The following APBA2 variants were observed in gnomAD, a reference collection of about 807,000 sequenced individuals.
APBA2 encodes the protein amyloid beta precursor protein binding family A member 2.
APBA2 carries 30 observed loss-of-function variants against 75.0 expected under a neutral mutation model. That is an observed-to-expected ratio of 0.40 (90% CI 0.30 to 0.54). The LOEUF is 0.54. APBA2 is among the 20% of genes least tolerant of loss of function. APBA2 has a pLI of 0.49. For missense variants in APBA2, 801 were observed against 1,016.1 expected (o/e 0.79, Z 2.88); for synonymous variants, 444 against 409.6 (o/e 1.08, Z -1.01).
At chr15:29,021,399 G>A (rs12442218) in intron 3 of APBA2, among the ~76,000 whole-genome samples, 12,935 of 152,024 alleles carry the variant, frequency 0.085, 866 homozygotes, top group East Asian at 0.22. Flanking sequence ...ATGGTGGCGC[G>A]CGCCTGTAGT....
intron 1 of APBA2, among the ~76,000 whole-genome samples, chr15:28,915,576 C>A (rs1270988020): frequency 1.3e-5 from 2 of 150,642 alleles, no homozygotes; most frequent in Non-Finnish European, 3.0e-5. Flanking sequence ...ATACATATCA[C>A]AGCACCCATA....
chr15:28,988,342 C>T (rs1311506987), intron 2 of APBA2, among the ~76,000 whole-genome samples: 1 of 151,296 alleles, frequency 6.6e-6, no homozygotes, highest in African/African-American at 2.4e-5. Context: ...CGGCTCACGG[C>T]AAGCTCCACC....
At position 28,981,120 on chromosome 15, in the gene APBA2, A is replaced by G. The variant is rs111506911; in HGVS notation, c.-94-14633A>G. On this transcript the variant is annotated intron_variant, in intron 2 of 14. Transcript: ENST00000683413. Reference sequence around the variant, plus strand: ...TTCTGGATATTGGCCTTGGGAAAGAATTTATGACTAAGTCCTCAAAAGCAA... The same window carrying G: ...TTCTGGATATTGGCCTTGGGAAAGAGTTTATGACTAAGTCCTCAAAAGCAA... 4.0e-3 allele frequency among the ~76,000 whole-genome samples: 608 copies of G among 152,340 alleles called. 6 individuals carry two copies. The highest frequency in any genetic ancestry group is 0.014 in the African/African-American group (588 of 41,574).
chr15:29,094,425 G>A (rs999466727), intron 8 of APBA2, 112 bp downstream of exon 8: 51 of 1,058,644 alleles, frequency 4.8e-5, no homozygotes, highest in Non-Finnish European at 6.9e-5. Context: ...ATGTTGCAAA[G>A]CAGCTTTTCC....
rs192901042 is a variant in APBA2, at chr15:29,092,260, A to G, written c.1070-815A>G. ...TTACAGGAAAGGTTTGCCCACCCCTAGCTGGAGCCTTATTGTCTGGCATAG... is the reference window on the plus strand; with the variant it reads ...TTACAGGAAAGGTTTGCCCACCCCTGGCTGGAGCCTTATTGTCTGGCATAG... On this transcript the variant is annotated intron_variant, in intron 6 of 14. Transcript: ENST00000683413. Among the ~76,000 whole-genome samples the G allele has an allele frequency of 4.2e-3, 632 of 152,274 alleles. 4 individuals carry two copies. The highest frequency in any genetic ancestry group is 0.014 in the African/African-American group (589 of 41,540).
rs984964885 is a variant in APBA2, at chr15:28,918,175, C to T, written c.-204-3465C>T. On this transcript the variant is annotated intron_variant, in intron 1 of 14. Transcript: ENST00000683413. This position sits in a 1 kb window ranked among gnomAD's most constrained non-coding sequence, Gnocchi z 4.2. ...TCTGCTTTGAGTTTTGCAGCGTTGC[C>T]TGCGGTCTCCGTGGGTGAGGGAAAA... 3.3e-5 allele frequency among the ~76,000 whole-genome samples: 5 copies of T among 152,206 alleles called. No homozygotes were observed. Among genetic ancestry groups the T allele is most frequent in the Admixed American group, 2.0e-4 (3 of 15,280 alleles).
chr15:29,062,881 C>A (rs909149351), intron 4 of APBA2, among the ~76,000 whole-genome samples: 3 of 152,086 alleles, frequency 2.0e-5, no homozygotes, highest in African/African-American at 7.2e-5. Flanking sequence ...GTGCCAGCAG[C>A]CCCCCATCTC....
rs148771669 is a variant in APBA2 at position 28,956,963 on chromosome 15, C to T, written c.-95+35214C>T. ...TATGAATAGACCACATTTTGTTGAT[C>T]GTTCATCTGGTGAAGGATGCTTGGG... On this transcript the variant is annotated intron_variant, in intron 2 of 14. Coordinates refer to ENST00000683413, the MANE Select transcript of APBA2 (RefSeq NM_001353788.2). Among the ~76,000 whole-genome samples the T allele has an allele frequency of 1.7e-3, 262 of 152,332 alleles. 3 individuals are homozygous for T. The highest frequency in any genetic ancestry group is 1.6e-3 in the Non-Finnish European group (112 of 68,032).
intron 1 of APBA2, among the ~76,000 whole-genome samples, chr15:28,906,267 C>T (rs551807207): frequency 1.3e-5 from 2 of 152,282 alleles, no homozygotes; most frequent in South Asian, 4.1e-4. Context: ...AAGTGTGGCA[C>T]ATATACACCA....
chr15:29,058,055 A>T (rs1044085656), intron 4 of APBA2, among the ~76,000 whole-genome samples: 4 of 152,088 alleles, frequency 2.6e-5, no homozygotes, highest in African/African-American at 9.7e-5. Flanking sequence ...AATTTTGGTT[A>T]TATTATTTTC....
chr15:28,934,798 G>T (rs142483611), intron 2 of APBA2, among the ~76,000 whole-genome samples: 1 of 152,338 alleles, frequency 6.6e-6, no homozygotes, highest in East Asian at 1.9e-4. Context: ...GCCCACATGG[G>T]CTGAGCGGAT....
chr15:28,897,136 AACAAGAAAATGAGAG>A (rs2032539733), intron 1 of APBA2, among the ~76,000 whole-genome samples: 1 of 151,960 alleles, frequency 6.6e-6, no homozygotes, highest in Admixed American at 6.6e-5. Context: ...CTATGTAATC[AACAAGAAAATGAGAG>A]AACACCCAGT....
intron 1 of APBA2, among the ~76,000 whole-genome samples, chr15:28,902,603 T>C (rs1243048810): frequency 6.6e-6 from 1 of 152,204 alleles, no homozygotes; most frequent in Non-Finnish European, 1.5e-5. Context: ...TGGATCGAGA[T>C]TCATTAATTG....
intron 3 of APBA2, among the ~76,000 whole-genome samples, chr15:29,043,143 T>C (rs1180118349): frequency 3.9e-5 from 6 of 152,200 alleles, no homozygotes; most frequent in African/African-American, 1.4e-4. Flanking sequence ...GTTACGGCAT[T>C]AATGCTGCTT....
intron 6 of APBA2, among the ~76,000 whole-genome samples, chr15:29,084,279 T>G (rs552170759): frequency 6.6e-6 from 1 of 152,246 alleles, no homozygotes; most frequent in African/African-American, 2.4e-5. Context: ...TTCTTCTTGC[T>G]TAATCAGATT....
chr15:29,055,227 G>T (rs561837015), intron 4 of APBA2, among the ~76,000 whole-genome samples: 19 of 152,296 alleles, frequency 1.2e-4, no homozygotes, highest in Non-Finnish European at 2.6e-4. Flanking sequence ...TGGCAAAGAC[G>T]TGGGGGTGCT....
Position 28,944,465 on chromosome 15 carries a change from G to A in APBA2, c.-95+22716G>A, listed in dbSNP as rs758646564. On this transcript the variant is annotated intron_variant, in intron 2 of 14. Transcript: ENST00000683413. Reference sequence around the variant, plus strand: ...TCCTCTGCACATGGCATCTACTTCCGCCCTTCCGCAGGACACCTTCCCAGG... The same window carrying A: ...TCCTCTGCACATGGCATCTACTTCCACCCTTCCGCAGGACACCTTCCCAGG... Among the ~76,000 whole-genome samples the A allele has an allele frequency of 6.8e-4, 104 of 152,142 alleles. 1 individual carries two copies. Among genetic ancestry groups the A allele is most frequent in the Non-Finnish European group, 1.3e-3 (86 of 68,034 alleles).
chr15:28,888,807 G>T (rs1341587460), intron 1 of APBA2, among the ~76,000 whole-genome samples: 2 of 152,294 alleles, frequency 1.3e-5, no homozygotes, highest in African/African-American at 4.8e-5. Flanking sequence ...TGCAGTCTCA[G>T]TTCCTCACCC....
At chr15:28,916,793 C>T (rs1361240685) in intron 1 of APBA2, among the ~76,000 whole-genome samples, 3 of 152,168 alleles carry the variant, frequency 2.0e-5, no homozygotes, top group Non-Finnish European at 4.4e-5. Context: ...TGAACTCTGT[C>T]GTCATTTATT....
Sources: allele counts gnomAD v4.1 joint callset (sites outside exome capture counted in the v4.1 genomes callset), GRCh38; gene constraint gnomAD v4.1.1; non-coding constraint Gnocchi (gnomAD v3.1); transcripts MANE v1.5; gene names NCBI Gene and HGNC (gene_info 2026-07-23, HGNC 2026-07-21).